EEPD1: variants seen among roughly 807,000 people sequenced by gnomAD.
EEPD1 encodes the protein endonuclease/exonuclease/phosphatase family domain-containing protein 1.
Under a neutral mutation model 46.3 loss-of-function variants are expected in EEPD1, and 17 were observed. That is an observed-to-expected ratio of 0.37 (90% CI 0.25 to 0.55). The LOEUF is 0.55. EEPD1 is among the 20% of genes least tolerant of loss of function. EEPD1 has a pLI of 0.83. For missense variants in EEPD1, 673 were observed against 745.6 expected (o/e 0.90, Z 1.13); for synonymous variants, 313 against 315.6 (o/e 0.99, Z 0.09).
At chr7:36,207,264 C>CAACACATGAG (rs1785837913) in intron 2 of EEPD1, among the ~76,000 whole-genome samples, 1 of 152,084 alleles carries the variant, frequency 6.6e-6, no homozygotes, top group South Asian at 2.1e-4. Flanking sequence ...TGCAGCTCGG[C>CAACACATGAG]AACACATGAG....
At chr7:36,259,514 A>T (rs189415667) in intron 3 of EEPD1, among the ~76,000 whole-genome samples, 5 of 151,692 alleles carry the variant, frequency 3.3e-5, no homozygotes, top group African/African-American at 4.8e-5. Context: ...CATATATATA[A>T]TTTTTTTTCT....
chr7:36,156,716 C>G (rs978215886), intron 2 of EEPD1, among the ~76,000 whole-genome samples: 10 of 152,168 alleles, frequency 6.6e-5, no homozygotes, highest in Admixed American at 1.3e-4. Flanking sequence ...TGTGGTCCCC[C>G]CTGGGGACCA....
chr7:36,250,975 A>G (rs1195366968), intron 3 of EEPD1, among the ~76,000 whole-genome samples: 1 of 152,228 alleles, frequency 6.6e-6, no homozygotes. Flanking sequence ...AGTGGGGTTT[A>G]GTGCCCAGTC....
Position 36,154,785 on chromosome 7 carries a change from C to T in EEPD1, c.461C>T (p.Ser154Leu). The T allele has an allele frequency of 6.2e-7, 1 of 1,614,156 alleles. No homozygotes were observed. Residue 154 changes from serine (S) to leucine (L), a missense_variant, in exon 2 of 8, where the codon TCG (serine) becomes TTG (leucine). By Grantham distance (145) the Ser-to-Leu change is moderately radical. Coordinates refer to ENST00000242108, the MANE Select transcript of EEPD1 (RefSeq NM_030636.3). The surrounding 1 kb of genome is among the most constrained non-coding windows in gnomAD (Gnocchi z 4.2). ...CAGCTCATGAGCGTGCGAGGCCTCTCGGAGAAAATGGCCCTCAGCATCGTG... is the reference window on the plus strand; with the variant it reads ...CAGCTCATGAGCGTGCGAGGCCTCTTGGAGAAAATGGCCCTCAGCATCGTG... ...PAQLMSVRGL[S>L]EKMALSIVDF...
At chr7:36,165,441 A>G (rs1392264082) in intron 2 of EEPD1, among the ~76,000 whole-genome samples, 1 of 15,550 alleles carries the variant, frequency 6.4e-5, no homozygotes, top group African/African-American at 4.9e-4. Flanking sequence ...TTTTTTTTTG[A>G]CAGAGCCTTG....
intron 2 of EEPD1, among the ~76,000 whole-genome samples, chr7:36,222,083 C>T (rs1786155460): frequency 6.6e-6 from 1 of 152,130 alleles, no homozygotes; most frequent in Admixed American, 6.5e-5. Context: ...GTTAGGGGAG[C>T]CAACCCGCCC....
intron 3 of EEPD1, among the ~76,000 whole-genome samples, chr7:36,276,758 C>T (rs1787188003): frequency 6.6e-6 from 1 of 152,168 alleles, no homozygotes; most frequent in Non-Finnish European, 1.5e-5. Context: ...TGGCCAGAAC[C>T]TCAAAGAACC....
intron 5 of EEPD1, among the ~76,000 whole-genome samples, chr7:36,285,709 C>G (rs1024410191): frequency 6.6e-6 from 1 of 152,156 alleles, no homozygotes; most frequent in Non-Finnish European, 1.5e-5. Context: ...CATGGAGACC[C>G]CCTGCTTTCT....
intron 7 of EEPD1, among the ~76,000 whole-genome samples, 191 bp downstream of exon 7, chr7:36,297,378 A>G (rs542109003): frequency 5.3e-5 from 8 of 152,344 alleles, no homozygotes; most frequent in Admixed American, 5.2e-4. Flanking sequence ...GCTAAGGACC[A>G]CACAGTGCTT....
At chr7:36,160,706 T>G (rs1784891482) in intron 2 of EEPD1, among the ~76,000 whole-genome samples, 2 of 145,992 alleles carry the variant, frequency 1.4e-5, no homozygotes, top group South Asian at 2.2e-4. Flanking sequence ...GAGAGGGTCC[T>G]GGGAGTTGAG....
intron 2 of EEPD1, among the ~76,000 whole-genome samples, chr7:36,212,021 T>C (rs1332070151): frequency 6.6e-6 from 1 of 151,230 alleles, no homozygotes; most frequent in East Asian, 1.9e-4. Flanking sequence ...CAGAAAAAAA[T>C]GTTTAAAGCC....
intron 3 of EEPD1, among the ~76,000 whole-genome samples, chr7:36,261,078 C>T (rs1786914279): frequency 6.6e-6 from 1 of 152,058 alleles, no homozygotes; most frequent in Admixed American, 6.5e-5. Context: ...CCATGAATAC[C>T]AAGGAATGAC....
At chr7:36,272,506 G>GT (rs111825287) in intron 3 of EEPD1, among the ~76,000 whole-genome samples, 24,472 of 130,276 alleles carry the variant, frequency 0.19, 2,740 homozygotes, top group African/African-American at 0.29. Context: ...TTTTGTTGTT[G>GT]TTTTTTTTTT....
At position 36,281,030 on chromosome 7, in the gene EEPD1, G is replaced by A. The variant is rs548536044; in HGVS notation, c.931-85G>A. 1.9e-4 allele frequency: 202 copies of A among 1,061,884 alleles called. No individual in the cohort carries two copies. The African/African-American group carries it at 2.9e-3, about 15-fold the overall frequency. The allele number at this position is 1,061,884 out of a possible 1,614,324, so 65.8% of individuals were successfully genotyped here. A position where few individuals can be genotyped will look rare whatever the true frequency, so the allele number is the denominator to read the frequency against. On this transcript the variant is annotated intron_variant, in intron 3 of 7. Transcript: ENST00000242108. ...AATAAGGCTGATGACTCAGAATCAT[G>A]CAGTGCCTGGCTTCTCAGGCCGCCG...
chr7:36,241,865 C>T (rs961434245), intron 3 of EEPD1, among the ~76,000 whole-genome samples: 8 of 152,266 alleles, frequency 5.3e-5, no homozygotes, highest in Middle Eastern at 3.4e-3. Context: ...AGGACCCTGT[C>T]CCAGAAAAAA....
intron 2 of EEPD1, among the ~76,000 whole-genome samples, chr7:36,217,624 T>C (rs777584516): frequency 4.7e-4 from 72 of 152,358 alleles, no homozygotes; most frequent in Non-Finnish European, 8.1e-4. Flanking sequence ...GTTGTTCTGG[T>C]TCAAATGCCT....
intron 2 of EEPD1, among the ~76,000 whole-genome samples, chr7:36,215,786 G>T (rs762543014): frequency 6.6e-6 from 1 of 152,246 alleles, no homozygotes; most frequent in Non-Finnish European, 1.5e-5. Flanking sequence ...AGTGCCTGCA[G>T]TATCTCTGGG....
At position 36,154,783 on chromosome 7, in the gene EEPD1, C is replaced by T; in HGVS notation, c.459C>T (p.Leu153=). 1.9e-6 allele frequency: 3 copies of T among 1,614,178 alleles called. No individual in the cohort carries two copies. Among genetic ancestry groups the T allele is most frequent in the Non-Finnish European group, 8.5e-7 (1 of 1,180,028 alleles). ...CCCAGCTCATGAGCGTGCGAGGCCTCTCGGAGAAAATGGCCCTCAGCATCG... is the reference window on the plus strand; with the variant it reads ...CCCAGCTCATGAGCGTGCGAGGCCTTTCGGAGAAAATGGCCCTCAGCATCG... The part of the protein sequence containing the change: ...TPAQLMSVRG[L]SEKMALSIVD... Residue 153 remains leucine (L), a synonymous_variant, in exon 2 of 8, where the codon CTC becomes CTT. Transcript: ENST00000242108. The surrounding 1 kb of genome is among the most constrained non-coding windows in gnomAD (Gnocchi z 4.2).
chr7:36,241,358 A>G (rs1252189079), intron 3 of EEPD1, among the ~76,000 whole-genome samples: 1 of 151,988 alleles, frequency 6.6e-6, no homozygotes, highest in Non-Finnish European at 1.5e-5. Context: ...CTGTAGTCCC[A>G]GCTACTCAGG....
Sources: gnomAD v4.1 joint callset for allele counts (sites outside exome capture counted in the v4.1 genomes callset) on GRCh38, gnomAD v4.1.1 for gene constraint, Gnocchi (gnomAD v3.1) non-coding constraint, MANE v1.5 for transcripts, NCBI Gene and HGNC (gene_info 2026-07-23, HGNC 2026-07-21) for gene names.